The following NKAIN2 variants were observed in gnomAD, a reference collection of about 807,000 sequenced individuals.
NKAIN2 encodes sodium/potassium-transporting ATPase subunit beta-1-interacting protein 2.
In NKAIN2, 14 loss-of-function variants were observed where a neutral mutation model predicts 32.6. The observed-to-expected ratio is 0.43, with a 90% confidence interval of 0.28 to 0.67. The LOEUF is 0.67. Ranked by LOEUF, NKAIN2 falls within the 30% of genes least tolerant of loss-of-function variation. The pLI is 0.17. For missense variants in NKAIN2, 198 were observed against 258.3 expected, an observed-to-expected ratio of 0.77 and a Z score of 1.60; for synonymous variants, 80 against 87.2, an observed-to-expected ratio of 0.92 and a Z score of 0.46.
At chr6:124,278,650 CATATAT>C (rs57008229) in intron 1 of NKAIN2, among the ~76,000 whole-genome samples, 786 of 68,978 alleles carry the variant, frequency 0.011, 2 homozygotes, top group Non-Finnish European at 0.013. Flanking sequence ...ATACATAGCT[CATATAT>C]ATATATATAT....
chr6:124,111,172 G>A (rs1042093333), intron 1 of NKAIN2, among the ~76,000 whole-genome samples: 5 of 152,102 alleles, frequency 3.3e-5, no homozygotes, highest in African/African-American at 1.2e-4. Context: ...TCTGAGAAGA[G>A]TGTGTATTCT....
chr6:123,998,400 T>G (rs146164218), intron 1 of NKAIN2, among the ~76,000 whole-genome samples: 34 of 152,286 alleles, frequency 2.2e-4, no homozygotes, highest in African/African-American at 7.7e-4. Context: ...AATGTCTGTC[T>G]TTTTCCTGTG....
At chr6:123,849,566 A>G (rs1775229858) in intron 1 of NKAIN2, among the ~76,000 whole-genome samples, 1 of 151,890 alleles carries the variant, frequency 6.6e-6, no homozygotes, top group East Asian at 1.9e-4. Context: ...GGTGGCATGA[A>G]CTCCCTGCAC....
At chr6:124,812,439 G>A (rs1780946212) in intron 5 of NKAIN2, among the ~76,000 whole-genome samples, 1 of 152,116 alleles carries the variant, frequency 6.6e-6, no homozygotes, top group Non-Finnish European at 1.5e-5. Context: ...TGAGGCTAAT[G>A]TAGTAAACAG....
chr6:124,762,147 G>A (rs1024858023), intron 4 of NKAIN2, among the ~76,000 whole-genome samples: 12 of 152,042 alleles, frequency 7.9e-5, no homozygotes, highest in Admixed American at 7.2e-4. Context: ...CATAGTTCTG[G>A]AGACTGGAAG....
In NKAIN2 at chr6:124,504,094, T is replaced by C. The variant is rs926413473; in HGVS notation, c.273+148747T>C. 1.2e-4 allele frequency among the ~76,000 whole-genome samples: 19 copies of C among 152,258 alleles called. No homozygotes were observed. In the East Asian group the frequency reaches 3.5e-3, roughly 28 times the overall value. ...CCATTCTTTACATTCCACTTAGGTG[T>C]ATATATGTATACACATATATGAATT... On this transcript the variant is annotated intron_variant, in intron 3 of 6. Coordinates refer to ENST00000368417, the MANE Select transcript of NKAIN2 (RefSeq NM_001040214.3).
At chr6:124,202,019 A>G (rs562210623) in intron 1 of NKAIN2, among the ~76,000 whole-genome samples, 1 of 152,092 alleles carries the variant, frequency 6.6e-6, no homozygotes, top group African/African-American at 2.4e-5. Flanking sequence ...TAATTCTCAG[A>G]CTACCTGTAA....
At chr6:124,736,127 A>T (rs191561188) in intron 4 of NKAIN2, among the ~76,000 whole-genome samples, 13 of 152,102 alleles carry the variant, frequency 8.5e-5, no homozygotes, top group African/African-American at 2.6e-4. Flanking sequence ...TCCAATAAAC[A>T]TATAAATGAT....
intron 1 of NKAIN2, among the ~76,000 whole-genome samples, chr6:123,956,882 T>G (rs970645494): frequency 6.6e-5 from 10 of 152,218 alleles, no homozygotes; most frequent in Admixed American, 4.6e-4. Flanking sequence ...TAAAGACTTC[T>G]GTGATCCTAT....
chr6:124,718,673 C>G (rs1775872396), intron 4 of NKAIN2, among the ~76,000 whole-genome samples: 2 of 152,182 alleles, frequency 1.3e-5, no homozygotes, highest in Non-Finnish European at 2.9e-5. Flanking sequence ...CCTCACCACA[C>G]TTACTGTGTG....
chr6:124,500,255 A>G (rs1176744179), intron 3 of NKAIN2, among the ~76,000 whole-genome samples: 1 of 152,222 alleles, frequency 6.6e-6, no homozygotes, highest in African/African-American at 2.4e-5. Context: ...CATTTCAGCT[A>G]ACTGTTAATG....
intron 3 of NKAIN2, among the ~76,000 whole-genome samples, chr6:124,629,838 T>C (rs1783495215): frequency 6.6e-6 from 1 of 152,204 alleles, no homozygotes; most frequent in Admixed American, 6.5e-5. Context: ...CAAATGTCAA[T>C]TGAGAAGCTC....
In NKAIN2 at chr6:123,848,438, T is replaced by G. The variant is rs200575790; in HGVS notation, c.54+44184T>G. ...AATTGAATAATGGAGATGGTTGTCC[T>G]CATGCTGGTCTCATAATAGTCAGTG... On this transcript the variant is annotated intron_variant, in intron 1 of 6. Transcript: ENST00000368417. 1.1e-4 allele frequency among the ~76,000 whole-genome samples: 16 copies of G among 152,324 alleles called. No individual in the cohort carries two copies. The East Asian group carries it at 1.7e-3, about 17-fold the overall frequency.
intron 3 of NKAIN2, among the ~76,000 whole-genome samples, chr6:124,408,634 G>A (rs9482547): frequency 0.065 from 9,836 of 152,182 alleles, 951 homozygotes; most frequent in African/African-American, 0.21. Flanking sequence ...GTAGTGTGAT[G>A]CCTCCAGCTT....
At chr6:124,593,745 A>T (rs946142106) in intron 3 of NKAIN2, among the ~76,000 whole-genome samples, 2 of 152,230 alleles carry the variant, frequency 1.3e-5, no homozygotes, top group African/African-American at 4.8e-5. Flanking sequence ...TAGACATGAC[A>T]TAAGGCTATA....
At chr6:123,831,981 T>C (rs904360311) in intron 1 of NKAIN2, among the ~76,000 whole-genome samples, 10 of 152,180 alleles carry the variant, frequency 6.6e-5, no homozygotes, top group African/African-American at 2.2e-4. Flanking sequence ...TATTGACACA[T>C]TGTAATCCCT....
At chr6:124,701,068 T>C (rs1269964918) in intron 4 of NKAIN2, among the ~76,000 whole-genome samples, 1 of 149,942 alleles carries the variant, frequency 6.7e-6, no homozygotes, top group Non-Finnish European at 1.5e-5. Context: ...AATATTTTAT[T>C]TATTCATACA....
intron 1 of NKAIN2, among the ~76,000 whole-genome samples, chr6:124,250,057 T>C (rs1793624537): frequency 6.6e-6 from 1 of 152,130 alleles, no homozygotes; most frequent in African/African-American, 2.4e-5. Flanking sequence ...GATTAGGTCA[T>C]GAGGACAGAG....
At chr6:124,635,236 G>T (rs546710479) in intron 3 of NKAIN2, among the ~76,000 whole-genome samples, 1 of 151,920 alleles carries the variant, frequency 6.6e-6, no homozygotes, top group South Asian at 2.1e-4. Context: ...AATGCTTAAG[G>T]GAGTTCTTTA....
Sources: allele counts gnomAD v4.1 joint callset (sites outside exome capture counted in the v4.1 genomes callset), GRCh38; gene constraint gnomAD v4.1.1; transcripts MANE v1.5; gene names NCBI Gene and HGNC (gene_info 2026-07-23, HGNC 2026-07-21).